HSDL2: variants seen among roughly 807,000 people sequenced by gnomAD.
HSDL2 encodes the protein hydroxysteroid dehydrogenase-like protein 2.
Under a neutral mutation model 46.3 loss-of-function variants are expected in HSDL2, and 27 were observed. The ratio of observed to expected loss-of-function variants is 0.58; its 90% CI spans 0.43 to 0.80. HSDL2 has a LOEUF of 0.80. Ranked by LOEUF, HSDL2 falls within the 30% of genes least tolerant of loss-of-function variation. The pLI, the probability that HSDL2 is intolerant of heterozygous loss-of-function variation, is 0.00. For missense variants in HSDL2, 451 were observed against 502.7 expected (o/e 0.90, Z 0.98); for synonymous variants, 153 against 163.6 (o/e 0.94, Z 0.50).
At chr9:112,434,924 T>C (rs1832489153) in intron 6 of HSDL2, among the ~76,000 whole-genome samples, 2 of 152,174 alleles carry the variant, frequency 1.3e-5, no homozygotes. Flanking sequence ...AGTTTTCAGG[T>C]CGATGTTGTT....
intron 10 of HSDL2, 59 bp downstream of exon 10, chr9:112,459,636 T>C: frequency 6.8e-7 from 1 of 1,465,056 alleles, no homozygotes; most frequent in Non-Finnish European, 9.5e-7. Context: ...GTTCTGACAT[T>C]TTGCTTTATC....
At chr9:112,462,756 T>C (rs986767091) in intron 10 of HSDL2, among the ~76,000 whole-genome samples, 14 of 152,144 alleles carry the variant, frequency 9.2e-5, no homozygotes, top group African/African-American at 3.4e-4. Context: ...TTTTAATAAA[T>C]TTATAGTTAC....
At chr9:112,467,235 C>T (rs1269976212) in intron 10 of HSDL2, among the ~76,000 whole-genome samples, 1 of 152,074 alleles carries the variant, frequency 6.6e-6, no homozygotes. Flanking sequence ...TAGCAGTCAG[C>T]CATAAAAAGG....
chr9:112,383,427 A>AT (rs1222642814), intron 1 of HSDL2, among the ~76,000 whole-genome samples: 2 of 151,344 alleles, frequency 1.3e-5, no homozygotes, highest in African/African-American at 4.9e-5. Flanking sequence ...ATATTTTTGT[A>AT]TTTTTCAAAT....
At chr9:112,401,417 G>C (rs904831545) in intron 1 of HSDL2, among the ~76,000 whole-genome samples, 2 of 130,208 alleles carry the variant, frequency 1.5e-5, no homozygotes, top group Admixed American at 9.4e-5. Flanking sequence ...ACTCCAGACT[G>C]GGCGACAGAG....
chr9:112,463,821 T>A (rs1833287197), intron 10 of HSDL2, among the ~76,000 whole-genome samples: 1 of 151,800 alleles, frequency 6.6e-6, no homozygotes, highest in African/African-American at 2.4e-5. Context: ...CTACCACACC[T>A]AGGTAATTTT....
chr9:112,389,167 C>T (rs764452351), intron 1 of HSDL2, among the ~76,000 whole-genome samples: 9 of 152,128 alleles, frequency 5.9e-5, no homozygotes, highest in Admixed American at 2.0e-4. Flanking sequence ...GCTGGGACTA[C>T]AGGCACACAC....
intron 4 of HSDL2, among the ~76,000 whole-genome samples, chr9:112,411,828 C>T (rs1222164100): frequency 6.6e-6 from 1 of 152,146 alleles, no homozygotes; most frequent in Non-Finnish European, 1.5e-5. Flanking sequence ...AAATATTTTA[C>T]AGCTGGCAAC....
chr9:112,403,081 C>T (rs962186156), intron 1 of HSDL2, among the ~76,000 whole-genome samples: 1 of 152,186 alleles, frequency 6.6e-6, no homozygotes, highest in African/African-American at 2.4e-5. Context: ...GTTTATTTAA[C>T]AGCTCTTTTG....
In HSDL2 at chr9:112,471,985, C is replaced by G. The variant is rs1249453039; in HGVS notation, c.*1441C>G. On this transcript the variant is annotated 3_prime_UTR_variant, in exon 11 of 11. Coordinates refer to ENST00000398805, the MANE Select transcript of HSDL2 (RefSeq NM_032303.5). The stretch of plus-strand genomic sequence containing the variant: ...GATCAGAGATGGGAAAGGACTAGCC[C>G]AAGGCCAACATTAACAAGCCCTCTA... The G allele has an allele frequency of 2.6e-5, 4 of 152,138 alleles. No homozygotes were observed. Among genetic ancestry groups the G allele is most frequent in the Non-Finnish European group, 5.9e-5 (4 of 68,028 alleles). 9.4% of individuals were successfully genotyped at this position (152,138 alleles called of 1,614,324 possible). A position where few individuals can be genotyped will look rare whatever the true frequency, so the allele number is the denominator to read the frequency against.
At chr9:112,438,349 G>T in intron 6 of HSDL2, 82 bp from the exon 7 acceptor site, 1 of 861,626 alleles carries the variant, frequency 1.2e-6, no homozygotes, top group Non-Finnish European at 1.6e-6. Context: ...AATTGTGAAG[G>T]GTGGTGCTTG....
rs1390454429 is a variant in HSDL2 at position 112,403,973 on chromosome 9, G to A, written c.18-22G>A. ...AATAAAACATTGGGTCTTCTAATAA[G>A]GTCGTATTTGTTCTGTTGTAGGAGG... On this transcript the variant is annotated intron_variant, in intron 1 of 10. Transcript: ENST00000398805. The A allele has an allele frequency of 1.9e-6, 3 of 1,607,256 alleles. No homozygotes were observed. The African/African-American group carries it at 4.0e-5, about 22-fold the overall frequency.
intron 7 of HSDL2, among the ~76,000 whole-genome samples, chr9:112,440,291 G>A (rs1832611294): frequency 6.6e-6 from 1 of 151,924 alleles, no homozygotes; most frequent in Non-Finnish European, 1.5e-5. Context: ...CCCTCCAGAA[G>A]TTTGCTTAAA....
At chr9:112,461,296 C>T (rs1833203428) in intron 10 of HSDL2, among the ~76,000 whole-genome samples, 1 of 152,150 alleles carries the variant, frequency 6.6e-6, no homozygotes, top group African/African-American at 2.4e-5. Flanking sequence ...CCAGGCTGGT[C>T]TCGAATTGCT....
intron 9 of HSDL2, among the ~76,000 whole-genome samples, chr9:112,457,975 C>T (rs1407646113): frequency 1.3e-5 from 2 of 152,164 alleles, no homozygotes; most frequent in African/African-American, 4.8e-5. Flanking sequence ...GTAAACCTTA[C>T]CATATCATCT....
intron 8 of HSDL2, among the ~76,000 whole-genome samples, chr9:112,443,431 C>T (rs1209345773): frequency 6.6e-6 from 1 of 152,238 alleles, no homozygotes; most frequent in Non-Finnish European, 1.5e-5. Flanking sequence ...AAGATTTAAA[C>T]TCATATTTCT....
At chr9:112,466,548 C>CA (rs768771507) in intron 10 of HSDL2, among the ~76,000 whole-genome samples, 233 of 21,474 alleles carry the variant, frequency 0.011, no homozygotes, top group Admixed American at 0.035. Context: ...GAGACTGTCT[C>CA]AAAAAAAAAA....
At chr9:112,428,130 A>T (rs1286869373) in intron 6 of HSDL2, among the ~76,000 whole-genome samples, 1 of 151,926 alleles carries the variant, frequency 6.6e-6, no homozygotes, top group Non-Finnish European at 1.5e-5. Flanking sequence ...GGTGTAGACG[A>T]TGGGAAACAA....
intron 6 of HSDL2, among the ~76,000 whole-genome samples, chr9:112,431,249 G>T (rs62569992): frequency 0.13 from 20,010 of 151,844 alleles, 1,771 homozygotes; most frequent in East Asian, 0.2. Flanking sequence ...GTGAATGAGG[G>T]TCAGGAGAGC....
Sources: gnomAD v4.1 joint callset for allele counts (sites outside exome capture counted in the v4.1 genomes callset) on GRCh38, gnomAD v4.1.1 for gene constraint, MANE v1.5 for transcripts, NCBI Gene and HGNC (gene_info 2026-07-23, HGNC 2026-07-21) for gene names.